ATAD2: variants seen among roughly 807,000 people sequenced by gnomAD.
ATAD2 encodes ATPase family AAA domain-containing protein 2.
A neutral mutation model predicts 168.9 loss-of-function variants in ATAD2; 62 were observed. The ratio of observed to expected loss-of-function variants is 0.37; its 90% CI spans 0.30 to 0.45. The LOEUF is 0.45. Ranked by LOEUF, ATAD2 falls within the 20% of genes least tolerant of loss-of-function variation. ATAD2 has a pLI of 1.00. For missense variants in ATAD2, 1,419 were observed against 1,667.8 expected (o/e 0.85, Z 2.60); for synonymous variants, 613 against 571.6 (o/e 1.07, Z -1.03).
chr8:123,323,200 C>T (rs552291058), intron 26 of ATAD2, 134 bp from the exon 27 acceptor site: 1 of 866,328 alleles, frequency 1.2e-6, no homozygotes, highest in South Asian at 2.1e-5. Flanking sequence ...ACAGGGCAGC[C>T]TCTGGCAGTG....
chr8:123,328,724 C>G, intron 24 of ATAD2, 145 bp from the exon 25 acceptor site: 1 of 859,502 alleles, frequency 1.2e-6, no homozygotes, highest in Non-Finnish European at 1.6e-6. Flanking sequence ...AAGAATAGAG[C>G]ATACTGTGAG....
chr8:123,369,807 T>C lies in ATAD2; in HGVS notation c.931+14A>G. 8 of 1,574,912 alleles carry C rather than the reference T, an allele frequency of 5.1e-6. No individual in the cohort carries two copies. The highest frequency in any genetic ancestry group is 3.3e-4 in the Middle Eastern group (2 of 5,992). ...ATAATTACATCTCCTGGAAAGAGTA[T>C]GTATAGCACTTACTTTCCAATGGAG... On this transcript the variant is annotated intron_variant, in intron 7 of 27. Transcript: ENST00000287394.
intron 1 of ATAD2, among the ~76,000 whole-genome samples, chr8:123,382,889 T>G (rs1332746457): frequency 6.6e-6 from 1 of 152,186 alleles, no homozygotes; most frequent in Non-Finnish European, 1.5e-5. Context: ...TAAAAACACA[T>G]GCACACACAT....
chr8:123,325,260 C>G (rs1179595437), intron 26 of ATAD2, among the ~76,000 whole-genome samples: 1 of 150,794 alleles, frequency 6.6e-6, no homozygotes, highest in South Asian at 2.1e-4. Context: ...CCACACCTAA[C>G]TAATTTTTTG....
intron 1 of ATAD2, among the ~76,000 whole-genome samples, chr8:123,415,184 A>G (rs1321181863): frequency 6.6e-6 from 1 of 152,214 alleles, no homozygotes; most frequent in African/African-American, 2.4e-5. Context: ...TGGATACAAA[A>G]TTATTGGCTG....
chr8:123,401,692 G>T, intron 1 of ATAD2: 2 of 755,962 alleles, frequency 2.6e-6, no homozygotes, highest in African/African-American at 1.7e-5. Flanking sequence ...GGCACGTCAA[G>T]GTGCCGGCCC....
rs1457403854 is a variant in ATAD2 at position 123,347,013 on chromosome 8, A to G, written c.2212+79T>C. On this transcript the variant is annotated intron_variant, in intron 16 of 27. Coordinates refer to ENST00000287394, the MANE Select transcript of ATAD2 (RefSeq NM_014109.4). ...CTTTTCAAGAGATTCTTTTACAAAT[A>G]AATATTTCTGGTATGTATGAAACAT... is the stretch of plus-strand genomic sequence containing the variant. 3 of 1,388,886 alleles carry G rather than the reference A, an allele frequency of 2.2e-6. No individual in the cohort carries two copies. The African/African-American group carries it at 4.4e-5, about 20-fold the overall frequency. 86.0% of individuals were successfully genotyped at this position (1,388,886 alleles called of 1,614,324 possible).
Position 123,371,744 on chromosome 8 carries a change from C to G in ATAD2, c.462G>C (p.Val154=). ...HLHEDNGDVE[V]RRSCRIRSRY... ...GACTTCTAATCCTACAACTTCGACG[C>G]ACTTCAACATCACCATTATCTTCAT... The change falls in exon 4 of 28, where the codon GTG becomes GTC. Residue 154 remains valine (V), a synonymous_variant. Transcript: ENST00000287394. 6.2e-7 allele frequency: 1 copy of G among 1,613,686 alleles called. No homozygotes were observed. The highest frequency in any genetic ancestry group is 8.5e-7 in the Non-Finnish European group (1 of 1,179,824).
chr8:123,382,043 C>CACAA (rs555533540), intron 1 of ATAD2, among the ~76,000 whole-genome samples: 4,958 of 152,142 alleles, frequency 0.033, 95 homozygotes, highest in Non-Finnish European at 0.046. Flanking sequence ...AAGACTCCAT[C>CACAA]ACAAACAAAC....
chr8:123,381,672 C>A (rs993775791), intron 1 of ATAD2, among the ~76,000 whole-genome samples: 4 of 152,126 alleles, frequency 2.6e-5, no homozygotes, highest in African/African-American at 9.7e-5. Flanking sequence ...AGTTCATACA[C>A]CGCTCTGAGA....
At position 123,369,188 on chromosome 8, in the gene ATAD2, AAT is replaced by A. The variant is rs750406145; in HGVS notation, c.932-15_932-14del. 7.9e-4 allele frequency: 852 copies of A among 1,077,472 alleles called. No individual in the cohort carries two copies. Among genetic ancestry groups the A allele is most frequent in the East Asian group, 1.5e-3 (45 of 30,868 alleles). The allele number at this position is 1,077,472 out of a possible 1,614,324, so 66.7% of individuals were successfully genotyped here. Reference sequence around the variant, plus strand: ...TGGTGACGAGGTTCTAAAAAAAAGAAATATATATATATATTTGTATATATATA... The same window carrying A: ...TGGTGACGAGGTTCTAAAAAAAAGAAATATATATATATTTGTATATATATA... On this transcript the variant is annotated splice_polypyrimidine_tract_variant and intron_variant, in intron 7 of 27. Coordinates refer to ENST00000287394, the MANE Select transcript of ATAD2 (RefSeq NM_014109.4).
intron 1 of ATAD2, among the ~76,000 whole-genome samples, chr8:123,383,398 C>A (rs1305767393): frequency 1.3e-5 from 2 of 152,106 alleles, no homozygotes; most frequent in African/African-American, 2.4e-5. Flanking sequence ...CTCACCCATT[C>A]TGAATTTCAC....
intron 2 of ATAD2, among the ~76,000 whole-genome samples, chr8:123,373,225 C>CA (rs571343878): frequency 6.7e-6 from 1 of 149,326 alleles, no homozygotes; most frequent in African/African-American, 2.5e-5. Context: ...AGAGATGGGG[C>CA]GGGGGGGGTC....
intron 14 of ATAD2, among the ~76,000 whole-genome samples, chr8:123,348,715 G>A (rs1449154369): frequency 6.6e-6 from 1 of 152,094 alleles, no homozygotes; most frequent in Admixed American, 6.6e-5. Context: ...AGCAAAATAT[G>A]AAAGTGAAAA....
At chr8:123,389,970 ATATATATATATATATT>A (rs1310661608) in intron 1 of ATAD2, among the ~76,000 whole-genome samples, 1 of 110,118 alleles carries the variant, frequency 9.1e-6, no homozygotes, top group Non-Finnish European at 1.8e-5. Context: ...TTATATATAT[ATATATATATATATATT>A]TTTTTTTTTT....
chr8:123,381,778 T>C (rs1829501062), intron 1 of ATAD2, among the ~76,000 whole-genome samples: 1 of 152,140 alleles, frequency 6.6e-6, no homozygotes, highest in South Asian at 2.1e-4. Context: ...CTGTTGCTCA[T>C]GCCTGTAATC....
At chr8:123,328,125 A>T in intron 25 of ATAD2, 65 bp downstream of exon 25, 2 of 1,234,070 alleles carry the variant, frequency 1.6e-6, no homozygotes. Flanking sequence ...AGATGCAATT[A>T]GGTGTTTAGA....
At chr8:123,326,900 G>A (rs1193258213) in intron 25 of ATAD2, among the ~76,000 whole-genome samples, 1 of 151,818 alleles carries the variant, frequency 6.6e-6, no homozygotes, top group African/African-American at 2.4e-5. Flanking sequence ...GAGAGGTGAA[G>A]AGACTTTTCT....
intron 1 of ATAD2, among the ~76,000 whole-genome samples, chr8:123,385,001 T>G (rs1230580960): frequency 6.6e-6 from 1 of 152,222 alleles, no homozygotes; most frequent in East Asian, 1.9e-4. Flanking sequence ...AACCAGTACT[T>G]TGTACAACTT....
Sources: allele counts gnomAD v4.1 joint callset (sites outside exome capture counted in the v4.1 genomes callset), GRCh38; gene constraint gnomAD v4.1.1; transcripts MANE v1.5; gene names NCBI Gene and HGNC (gene_info 2026-07-23, HGNC 2026-07-21).